NFAT5: variants seen among roughly 807,000 people sequenced by gnomAD.
NFAT5 encodes nuclear factor of activated T-cells 5.
A neutral mutation model predicts 166.5 loss-of-function variants in NFAT5; 31 were observed. The observed-to-expected ratio is 0.19, with a 90% CI of 0.14 to 0.25. The LOEUF (loss-of-function observed/expected upper bound fraction) is 0.25, where lower values mean the gene tolerates loss of function less well. Among genes scored for constraint, NFAT5 ranks in the 10% least tolerant of loss-of-function variants. NFAT5 has a pLI of 1.00. For synonymous variants in NFAT5, 612 were observed against 639.7 expected (o/e 0.96, Z 0.65); for missense variants, 1,449 against 1,821.8 (o/e 0.80, Z 3.72).
intron 2 of NFAT5, among the ~76,000 whole-genome samples, chr16:69,600,716 A>T (rs2033081747): frequency 6.7e-6 from 1 of 149,046 alleles, no homozygotes; most frequent in African/African-American, 2.5e-5. Flanking sequence ...CCTTAAGAGA[A>T]TCATCATGAG....
At chr16:69,643,681 A>G (rs1339133505) in intron 3 of NFAT5, among the ~76,000 whole-genome samples, 1 of 152,054 alleles carries the variant, frequency 6.6e-6, no homozygotes, top group African/African-American at 2.4e-5. Context: ...TTATTCTTCA[A>G]CCTACATTTA....
intron 1 of NFAT5, 119 bp from the exon 2 acceptor site, chr16:69,568,376 G>GTGTGTA (rs1163472084): frequency 0.012 from 3,589 of 287,372 alleles, 55 homozygotes; most frequent in Non-Finnish European, 0.016. Context: ...GTGTGTGTGT[G>GTGTGTA]TATATATATA....
At chr16:69,625,664 G>A (rs1440846677) in intron 2 of NFAT5, among the ~76,000 whole-genome samples, 1 of 151,900 alleles carries the variant, frequency 6.6e-6, no homozygotes, top group Non-Finnish European at 1.5e-5. Context: ...AAAAGAGCAG[G>A]ACTATACTAA....
At chr16:69,650,629 C>T (rs2035625375) in intron 4 of NFAT5, among the ~76,000 whole-genome samples, 4 of 152,008 alleles carry the variant, frequency 2.6e-5, no homozygotes, top group Admixed American at 2.6e-4. Flanking sequence ...CATGTCTTGC[C>T]AAGTTAATCG....
At chr16:69,627,641 T>C (rs1209183946) in intron 3 of NFAT5, among the ~76,000 whole-genome samples, 1 of 150,644 alleles carries the variant, frequency 6.6e-6, no homozygotes, top group Non-Finnish European at 1.5e-5. Context: ...GCATAGTGCA[T>C]TGCTGAAGCC....
chr16:69,621,856 G>A (rs2034213405), intron 2 of NFAT5, among the ~76,000 whole-genome samples: 1 of 152,078 alleles, frequency 6.6e-6, no homozygotes, highest in African/African-American at 2.4e-5. Context: ...CCAGCCACTC[G>A]GGAGGCTGCA....
Position 69,566,190 on chromosome 16 carries a change from G to GCC in NFAT5, c.-110_-109dup. On this transcript the variant is annotated 5_prime_UTR_variant, in exon 1 of 15. Coordinates refer to ENST00000349945, the MANE Select transcript of NFAT5 (RefSeq NM_138713.4). This position sits in a 1 kb window ranked among gnomAD's most constrained non-coding sequence, Gnocchi z 5.7. ...CCTCGAGGAGGAGGCAGCGGCAGCC[G>GCC]CCCTCGCGTCGCCGCCCCCGGTTCG... 1.1e-6 allele frequency: 1 copy of GCC among 871,030 alleles called. No individual in the cohort carries two copies. The highest frequency in any genetic ancestry group is 1.8e-6 in the Non-Finnish European group (1 of 568,998). The allele number at this position is 871,030 out of a possible 1,614,324, so 54.0% of individuals were successfully genotyped here. A position where few individuals can be genotyped will look rare whatever the true frequency, so the allele number is the denominator to read the frequency against.
chr16:69,615,241 A>G (rs775518689), intron 2 of NFAT5, among the ~76,000 whole-genome samples: 1 of 152,064 alleles, frequency 6.6e-6, no homozygotes, highest in Non-Finnish European at 1.5e-5. Flanking sequence ...ACGTTTTGCC[A>G]TGTTGGCCAG....
At chr16:69,646,464 C>A in intron 3 of NFAT5, 1 of 757,366 alleles carries the variant, frequency 1.3e-6, no homozygotes, top group Non-Finnish European at 1.8e-6. Flanking sequence ...TAATTGATAT[C>A]TGGAATAATC....
chr16:69,614,299 C>A (rs1053179263), intron 2 of NFAT5, among the ~76,000 whole-genome samples: 4 of 152,138 alleles, frequency 2.6e-5, no homozygotes, highest in Non-Finnish European at 5.9e-5. Context: ...CGATTACAGG[C>A]ACGAGCCACC....
chr16:69,568,358 G>GTA (rs892953024), intron 1 of NFAT5, 137 bp from the exon 2 acceptor site: 2 of 349,304 alleles, frequency 5.7e-6, no homozygotes, highest in Non-Finnish European at 1.0e-5. Context: ...GTGTGTGTGT[G>GTA]TGTGTGTGTG....
chr16:69,605,431 G>A (rs1010799120), intron 2 of NFAT5, among the ~76,000 whole-genome samples: 16 of 152,154 alleles, frequency 1.1e-4, no homozygotes, highest in African/African-American at 3.6e-4. Context: ...CAGAGCGACA[G>A]TGTCTCAAAA....
chr16:69,574,931 C>A (rs945421237), intron 2 of NFAT5, among the ~76,000 whole-genome samples: 3 of 152,130 alleles, frequency 2.0e-5, no homozygotes, highest in Admixed American at 6.6e-5. Flanking sequence ...CTCAGCCTCC[C>A]AAACTGCTGG....
At chr16:69,653,166 T>A in intron 4 of NFAT5, 70 bp from the exon 5 acceptor site, 1 of 1,128,592 alleles carries the variant, frequency 8.9e-7, no homozygotes, top group African/African-American at 1.7e-5. Flanking sequence ...TTCCTTTGTC[T>A]TAATGGCTTT....
At chr16:69,616,331 C>T (rs887994805) in intron 2 of NFAT5, among the ~76,000 whole-genome samples, 2 of 152,040 alleles carry the variant, frequency 1.3e-5, no homozygotes, top group African/African-American at 4.8e-5. Flanking sequence ...CAACCTTAGG[C>T]AATCCTTCTA....
intron 7 of NFAT5, among the ~76,000 whole-genome samples, chr16:69,665,422 A>G (rs907821878): frequency 9.0e-6 from 1 of 111,114 alleles, no homozygotes; most frequent in African/African-American, 3.7e-5. Context: ...AGAAAACCCC[A>G]TTGTCTCAGC....
chr16:69,590,524 A>T (rs2032397305), intron 2 of NFAT5, among the ~76,000 whole-genome samples: 1 of 152,254 alleles, frequency 6.6e-6, no homozygotes, highest in African/African-American at 2.4e-5. Context: ...GAAAATTGTT[A>T]TTCATAGCTA....
At chr16:69,627,624 TCAGGCTGCATAGTG>T (rs137993934) in intron 3 of NFAT5, among the ~76,000 whole-genome samples, 39,277 of 151,974 alleles carry the variant, frequency 0.26, 5,521 homozygotes, top group East Asian at 0.45. Flanking sequence ...CCAATCTTTC[TCAGGCTGCATAGTG>T]CATTGCTGAA....
chr16:69,589,425 G>A (rs565578009), intron 2 of NFAT5, among the ~76,000 whole-genome samples: 23 of 152,228 alleles, frequency 1.5e-4, no homozygotes, highest in East Asian at 5.8e-4. Flanking sequence ...GAAAAATACC[G>A]TTTTAGCAAT....
Sources: allele counts gnomAD v4.1 joint callset (sites outside exome capture counted in the v4.1 genomes callset), GRCh38; gene constraint gnomAD v4.1.1; non-coding constraint Gnocchi (gnomAD v3.1); transcripts MANE v1.5; gene names NCBI Gene and HGNC (gene_info 2026-07-23, HGNC 2026-07-21).